CHRM5: variants seen among roughly 807,000 people sequenced by gnomAD.
CHRM5 encodes cholinergic receptor muscarinic 5, also known as muscarinic acetylcholine receptor M5.
Under a neutral mutation model 39.0 loss-of-function variants are expected in CHRM5, and 18 were observed. That is an observed-to-expected ratio of 0.46 (90% CI 0.32 to 0.68). The LOEUF (loss-of-function observed/expected upper bound fraction) is 0.68, where lower values mean the gene tolerates loss of function less well. Among genes scored for constraint, CHRM5 ranks in the 30% least tolerant of loss-of-function variants. The pLI is 0.04. For missense variants in CHRM5, 515 were observed against 651.1 expected (o/e 0.79, Z 2.28); for synonymous variants, 241 against 246.3 (o/e 0.98, Z 0.20).
At chr15:34,016,017 C>G (rs1461682581) in intron 1 of CHRM5, among the ~76,000 whole-genome samples, 2 of 152,218 alleles carry the variant, frequency 1.3e-5, no homozygotes, top group African/African-American at 2.4e-5. Context: ...TGGCTCATGC[C>G]TGTAATCCCA....
In CHRM5 at chr15:33,995,897, G is replaced by A. The variant is rs28432828; in HGVS notation, c.-408+26747G>A. The stretch of plus-strand genomic sequence containing the variant: ...CGGGGCGCTGCCTCACCCTGGAAGC[G>A]CAAGGGGTCAGGGGATTTCCCTTTC... On this transcript the variant is annotated intron_variant, in intron 1 of 2. Transcript: ENST00000383263. 3.0e-4 allele frequency among the ~76,000 whole-genome samples: 46 copies of A among 152,368 alleles called. 1 individual carries two copies. In the East Asian group the frequency reaches 3.9e-3, roughly 13 times the overall value.
At chr15:33,990,947 A>G (rs1280003212) in intron 1 of CHRM5, 1 of 152,250 alleles carries the variant, frequency 6.6e-6, no homozygotes. Context: ...AACTAAAATC[A>G]GAAGATTTTT....
At chr15:33,978,473 G>A (rs560023978) in intron 1 of CHRM5, among the ~76,000 whole-genome samples, 1 of 152,268 alleles carries the variant, frequency 6.6e-6, no homozygotes, top group Admixed American at 6.5e-5. Context: ...AAACCAGCCT[G>A]ATCAACATGG....
At position 33,999,051 on chromosome 15, in the gene CHRM5, A is replaced by G. The variant is rs193178554; in HGVS notation, c.-408+29901A>G. ...TGTGCTGGGTCTCTTCCATGTGCCA[A>G]TGCAGATTTATCCTCCACCCTTCTC... is the stretch of plus-strand genomic sequence containing the variant. On this transcript the variant is annotated intron_variant, in intron 1 of 2. Transcript: ENST00000383263. Among the ~76,000 whole-genome samples the G allele has an allele frequency of 3.9e-3, 587 of 152,332 alleles. 19 individuals are homozygous for G. Among genetic ancestry groups the G allele is most frequent in the Admixed American group, 0.036 (551 of 15,298 alleles).
At chr15:33,969,445 C>G (rs1895532684) in intron 1 of CHRM5, among the ~76,000 whole-genome samples, 1 of 151,144 alleles carries the variant, frequency 6.6e-6, no homozygotes, top group Admixed American at 6.6e-5. Flanking sequence ...ATGAAGAGAG[C>G]CCTGAATGGT....
chr15:33,974,144 T>A (rs1293968714), intron 1 of CHRM5, among the ~76,000 whole-genome samples: 1 of 152,202 alleles, frequency 6.6e-6, no homozygotes, highest in Non-Finnish European at 1.5e-5. Flanking sequence ...TACTACTAGA[T>A]CTAGAATTTC....
At chr15:33,989,285 A>C (rs1191340696) in intron 1 of CHRM5, among the ~76,000 whole-genome samples, 1 of 152,142 alleles carries the variant, frequency 6.6e-6, no homozygotes, top group Non-Finnish European at 1.5e-5. Flanking sequence ...AATATGACCC[A>C]CAGTATATTC....
chr15:34,022,218 T>C (rs1463006991), intron 1 of CHRM5, among the ~76,000 whole-genome samples: 1 of 152,176 alleles, frequency 6.6e-6, no homozygotes, highest in Admixed American at 6.5e-5. Context: ...TTAGCAAAAA[T>C]TCCTTCTTTC....
chr15:34,056,324 A>T (rs1245638733), intron 2 of CHRM5, among the ~76,000 whole-genome samples: 2 of 152,232 alleles, frequency 1.3e-5, no homozygotes, highest in South Asian at 4.1e-4. Context: ...TTTAGCCGAA[A>T]TTAGAACTCC....
chr15:34,066,948 C>T lies in CHRM5; in HGVS notation c.*2632C>T, dbSNP rs745376325. 1 of 152,160 alleles carries T rather than the reference C, an allele frequency of 6.6e-6. No individual in the cohort carries two copies. Among genetic ancestry groups the T allele is most frequent in the Non-Finnish European group, 1.5e-5 (1 of 68,032 alleles). 9.4% of individuals were successfully genotyped at this position (152,160 alleles called of 1,614,324 possible). On this transcript the variant is annotated 3_prime_UTR_variant, in exon 3 of 3. Transcript: ENST00000383263. Reference sequence around the variant, plus strand: ...TCCCAAACTACTAGGGACAACTAGACTTCTATAGAATAGCGGCTTTAGTGG... The same window carrying T: ...TCCCAAACTACTAGGGACAACTAGATTTCTATAGAATAGCGGCTTTAGTGG...
At chr15:34,059,675 G>A (rs527790964) in intron 2 of CHRM5, among the ~76,000 whole-genome samples, 4 of 152,028 alleles carry the variant, frequency 2.6e-5, no homozygotes, top group Non-Finnish European at 5.9e-5. Context: ...TCCCTTCCCT[G>A]TCTGAAACAT....
chr15:34,037,493 AT>A (rs915204664), intron 1 of CHRM5, among the ~76,000 whole-genome samples: 3 of 149,692 alleles, frequency 2.0e-5, no homozygotes, highest in African/African-American at 7.3e-5. Flanking sequence ...AATATATAAC[AT>A]TGTAGTTAAT....
chr15:34,043,109 T>C (rs1331940774), intron 1 of CHRM5, among the ~76,000 whole-genome samples: 1 of 151,870 alleles, frequency 6.6e-6, no homozygotes, highest in East Asian at 2.0e-4. Flanking sequence ...TAGCCAGGCA[T>C]GGTGACGGGC....
chr15:34,063,363 A>G lies in CHRM5; in HGVS notation c.646A>G (p.Ile216Val). The G allele has an allele frequency of 6.2e-7, 1 of 1,614,106 alleles. No individual in the cohort carries two copies. The highest frequency in any genetic ancestry group is 8.5e-7 in the Non-Finnish European group (1 of 1,180,022). The change falls in exon 3 of 3, where the codon ATC becomes GTC. Residue 216 changes from isoleucine to valine, a missense_variant. By Grantham distance (29) the Ile-to-Val change is conservative. Coordinates refer to ENST00000383263, the MANE Select transcript of CHRM5 (RefSeq NM_012125.4). This position sits in a 1 kb window ranked among gnomAD's most constrained non-coding sequence, Gnocchi z 4.1. ...VSVMTILYCR[I>V]YRETEKRTKD... ...TGTCATGACCATCCTCTACTGTCGA[A>G]TCTACCGGGAAACAGAGAAGCGAAC... is the stretch of plus-strand genomic sequence containing the variant.
At chr15:34,039,133 A>G in intron 1 of CHRM5, 3 of 1,030,784 alleles carry the variant, frequency 2.9e-6, no homozygotes, top group Non-Finnish European at 3.5e-6. Context: ...CGCACGGAGG[A>G]GCCGCGAGCG....
At chr15:34,032,852 T>C (rs1225252416) in intron 1 of CHRM5, among the ~76,000 whole-genome samples, 1 of 152,200 alleles carries the variant, frequency 6.6e-6, no homozygotes. Flanking sequence ...CTAAAGAACA[T>C]GTAATATGTC....
In CHRM5 at chr15:34,062,882, C is replaced by T. The variant is rs77491512; in HGVS notation, c.165C>T (p.Phe55=). 6.2e-7 allele frequency: 1 copy of T among 1,614,214 alleles called. No homozygotes were observed. Among genetic ancestry groups the T allele is most frequent in the African/African-American group, 1.3e-5 (1 of 75,060 alleles). The change falls in exon 3 of 3, where the codon TTC becomes TTT. Residue 55 remains phenylalanine (F), a synonymous_variant. Transcript: ENST00000383263. ...GCAATGTCTTGGTCATGATCTCCTT[C>T]AAAGTCAACAGCCAGCTCAAGACAG... is the stretch of plus-strand genomic sequence containing the variant. The part of the protein sequence containing the change: ...IVGNVLVMIS[F]KVNSQLKTVN...
At chr15:34,002,831 C>G (rs117459218) in intron 1 of CHRM5, among the ~76,000 whole-genome samples, 1 of 152,172 alleles carries the variant, frequency 6.6e-6, no homozygotes, top group Non-Finnish European at 1.5e-5. Flanking sequence ...CATTCTACAT[C>G]GGTACATGGA....
intron 2 of CHRM5, among the ~76,000 whole-genome samples, chr15:34,057,433 T>C (rs1256857082): frequency 6.6e-6 from 1 of 152,144 alleles, no homozygotes; most frequent in African/African-American, 2.4e-5. Flanking sequence ...TGAGCCACTG[T>C]GCCCAGCCAG....
Sources: gnomAD v4.1 joint callset for allele counts (sites outside exome capture counted in the v4.1 genomes callset) on GRCh38, gnomAD v4.1.1 for gene constraint, Gnocchi (gnomAD v3.1) non-coding constraint, MANE v1.5 for transcripts, NCBI Gene and HGNC (gene_info 2026-07-23, HGNC 2026-07-21) for gene names.